The following KCNH5 variants were observed in gnomAD, a reference collection of about 807,000 sequenced individuals.
KCNH5 encodes the protein potassium voltage-gated channel subfamily H member 5, also known as voltage-gated delayed rectifier potassium channel KCNH5.
Under a neutral mutation model 96.1 loss-of-function variants are expected in KCNH5, and 46 were observed. That is an observed-to-expected ratio of 0.48 (90% CI 0.38 to 0.61). The LOEUF (loss-of-function observed/expected upper bound fraction) is 0.61. Ranked by LOEUF, KCNH5 falls within the 20% of genes least tolerant of loss-of-function variation. The pLI, the probability that KCNH5 is intolerant of heterozygous loss-of-function variation, is 0.00. For synonymous variants in KCNH5, 439 were observed against 449.8 expected, an observed-to-expected ratio of 0.98 and a Z score of 0.30; for missense variants, 907 against 1,225.8, an observed-to-expected ratio of 0.74 and a Z score of 3.88.
At chr14:62,977,337 G>A (rs988700218) in intron 6 of KCNH5, among the ~76,000 whole-genome samples, 4 of 151,912 alleles carry the variant, frequency 2.6e-5, no homozygotes, top group African/African-American at 9.7e-5. Flanking sequence ...TCTCGCCTGG[G>A]TGACAGAGCA....
chr14:62,900,981 TTTTTGTTTTG>T (rs200341541), intron 7 of KCNH5, among the ~76,000 whole-genome samples: 1 of 152,022 alleles, frequency 6.6e-6, no homozygotes, highest in African/African-American at 2.4e-5. Flanking sequence ...GCTTCCTATC[TTTTTGTTTTG>T]TTTTGTTTTG....
chr14:62,947,934 G>A (rs1004775701), intron 7 of KCNH5, among the ~76,000 whole-genome samples: 18 of 151,668 alleles, frequency 1.2e-4, no homozygotes, highest in African/African-American at 3.2e-4. Context: ...CCACTAACTC[G>A]TCATCTAGCA....
chr14:62,915,884 GAGTGACTTGCCAA>G (rs1257353051), intron 7 of KCNH5, among the ~76,000 whole-genome samples: 1 of 152,008 alleles, frequency 6.6e-6, no homozygotes, highest in Non-Finnish European at 1.5e-5. Context: ...TTTTAGAAAT[GAGTGACTTGCCAA>G]AGTCACCTGC....
intron 6 of KCNH5, among the ~76,000 whole-genome samples, chr14:62,965,456 T>C (rs2139549292): frequency 6.6e-6 from 1 of 152,234 alleles, no homozygotes; most frequent in Middle Eastern, 3.4e-3. Flanking sequence ...TGTCTGCTTG[T>C]CCTTTGACTT....
At chr14:62,978,622 T>C (rs11158465) in intron 6 of KCNH5, among the ~76,000 whole-genome samples, 61,705 of 150,184 alleles carry the variant, frequency 0.41, 13,535 homozygotes, top group African/African-American at 0.56. Context: ...TTGTATTTAG[T>C]GTGGATTTAC....
In KCNH5 at chr14:62,705,064, T is replaced by C; in HGVS notation, c.*2444A>G. ...TGATAACTGCACCATAATTAAACAA[T>C]TGATACTTTCCCTCCTTCCTAACAA... is the stretch of plus-strand genomic sequence containing the variant. On this transcript the variant is annotated 3_prime_UTR_variant, in exon 11 of 11. Coordinates refer to ENST00000322893, the MANE Select transcript of KCNH5 (RefSeq NM_139318.5). 1 of 151,954 alleles carries C rather than the reference T, an allele frequency of 6.6e-6. No individual in the cohort carries two copies. The highest frequency in any genetic ancestry group is 1.9e-4 in the East Asian group (1 of 5,200). 9.4% of individuals were successfully genotyped at this position (151,954 alleles called of 1,614,324 possible). A position where few individuals can be genotyped will look rare whatever the true frequency, so the allele number is the denominator to read the frequency against.
chr14:62,861,555 T>C (rs545662000), intron 7 of KCNH5, among the ~76,000 whole-genome samples: 1 of 144,742 alleles, frequency 6.9e-6, no homozygotes, highest in East Asian at 2.0e-4. Context: ...TGATGACACA[T>C]GTCTTTGTCG....
At chr14:62,783,033 A>C (rs563427797) in intron 9 of KCNH5, among the ~76,000 whole-genome samples, 1 of 152,360 alleles carries the variant, frequency 6.6e-6, no homozygotes, top group African/African-American at 2.4e-5. Context: ...CAAAAATTAG[A>C]AATAAATGTC....
chr14:62,997,344 C>T (rs1459119214), intron 4 of KCNH5, among the ~76,000 whole-genome samples: 3 of 152,104 alleles, frequency 2.0e-5, no homozygotes, highest in Non-Finnish European at 4.4e-5. Flanking sequence ...ATATTATAGG[C>T]TTTATATAGA....
At chr14:62,716,792 T>C (rs1402412899) in intron 10 of KCNH5, among the ~76,000 whole-genome samples, 1 of 152,160 alleles carries the variant, frequency 6.6e-6, no homozygotes, top group African/African-American at 2.4e-5. Context: ...TGGGGGGTTC[T>C]AGCCAAGGAA....
chr14:62,869,972 A>C (rs764443992), intron 7 of KCNH5, among the ~76,000 whole-genome samples: 1 of 151,586 alleles, frequency 6.6e-6, no homozygotes, highest in Non-Finnish European at 1.5e-5. Context: ...ATTTAAACGT[A>C]ATGTCATTAC....
At chr14:62,962,187 A>G (rs1234365160) in intron 6 of KCNH5, among the ~76,000 whole-genome samples, 3 of 152,148 alleles carry the variant, frequency 2.0e-5, no homozygotes, top group Non-Finnish European at 4.4e-5. Flanking sequence ...TATGAAAATG[A>G]AAATGTTGAG....
At chr14:62,726,757 C>G (rs1003353505) in intron 10 of KCNH5, among the ~76,000 whole-genome samples, 6 of 152,126 alleles carry the variant, frequency 3.9e-5, no homozygotes, top group African/African-American at 1.4e-4. Flanking sequence ...TTAGGTACTC[C>G]TTCCAGAAAA....
At position 62,993,812 on chromosome 14, in the gene KCNH5, G is replaced by A. The variant is rs142026714; in HGVS notation, c.434-6625C>T. Among the ~76,000 whole-genome samples, 5 of 152,056 alleles carry A rather than the reference G, an allele frequency of 3.3e-5. No individual in the cohort carries two copies. The East Asian group carries it at 9.7e-4, about 29-fold the overall frequency. On this transcript the variant is annotated intron_variant, in intron 4 of 10. Coordinates refer to ENST00000322893, the MANE Select transcript of KCNH5 (RefSeq NM_139318.5). ...ATCTCACCTTTACAGAGATCTAACT[G>A]GTGTGACTGATTATTCAGCAAAGTT...
At chr14:63,036,932 G>T (rs1186569726) in intron 1 of KCNH5, among the ~76,000 whole-genome samples, 2 of 152,134 alleles carry the variant, frequency 1.3e-5, no homozygotes, top group African/African-American at 4.8e-5. Flanking sequence ...TTTACGAGAA[G>T]AATGCGCACT....
intron 10 of KCNH5, among the ~76,000 whole-genome samples, chr14:62,772,031 C>A (rs1199964201): frequency 2.6e-5 from 4 of 152,034 alleles, no homozygotes; most frequent in African/African-American, 9.7e-5. Context: ...TTTCAAAATT[C>A]AGTTTACATT....
chr14:62,987,838 C>A (rs1268593440), intron 4 of KCNH5, among the ~76,000 whole-genome samples: 3 of 152,230 alleles, frequency 2.0e-5, no homozygotes, highest in East Asian at 1.9e-4. Context: ...TAGTCTTACC[C>A]TAATTATAAT....
intron 6 of KCNH5, among the ~76,000 whole-genome samples, chr14:62,956,174 C>G (rs1454644402): frequency 6.6e-6 from 1 of 152,164 alleles, no homozygotes; most frequent in Non-Finnish European, 1.5e-5. Context: ...CTCTATGCCT[C>G]TGCATAGCCC....
intron 7 of KCNH5, among the ~76,000 whole-genome samples, chr14:62,877,232 A>AT (rs1888392980): frequency 6.6e-6 from 1 of 151,846 alleles, no homozygotes; most frequent in South Asian, 2.1e-4. Context: ...ACCTAAAACC[A>AT]TAAAAACCCT....
Sources: gnomAD v4.1 joint callset for allele counts (sites outside exome capture counted in the v4.1 genomes callset) on GRCh38, gnomAD v4.1.1 for gene constraint, MANE v1.5 for transcripts, NCBI Gene and HGNC (gene_info 2026-07-23, HGNC 2026-07-21) for gene names.